The following PBX1 variants were observed in gnomAD, a reference collection of about 807,000 sequenced individuals.
PBX1 encodes the protein pre-B-cell leukemia transcription factor 1.
In PBX1, 6 loss-of-function variants were observed where a neutral mutation model predicts 53.4. The observed-to-expected ratio is 0.11, with a 90% confidence interval of 0.06 to 0.22. The LOEUF is 0.22. PBX1 is among the 10% of genes least tolerant of loss of function. The probability of loss-of-function intolerance (pLI) is 1.00; values close to 1 mark genes in which losing one functional copy is unlikely to be tolerated. For missense variants in PBX1, 251 were observed against 551.4 expected, an observed-to-expected ratio of 0.46 and a Z score of 5.46; for synonymous variants, 204 against 212.3, an observed-to-expected ratio of 0.96 and a Z score of 0.34.
chr1:164,735,622 C>T (rs1571310465), intron 2 of PBX1, among the ~76,000 whole-genome samples: 1 of 152,108 alleles, frequency 6.6e-6, no homozygotes, highest in Admixed American at 6.6e-5. Flanking sequence ...AAGGGCAGAG[C>T]GGGAGAGGTG....
chr1:164,817,813 T>C (rs1482126946), intron 6 of PBX1: 6 of 152,234 alleles, frequency 3.9e-5, no homozygotes, highest in African/African-American at 1.4e-4. Context: ...TAAGTTTGTA[T>C]ACTAATTTCC....
At chr1:164,817,649 C>T (rs1669937890) in intron 6 of PBX1, 1 of 152,184 alleles carries the variant, frequency 6.6e-6, no homozygotes, top group Non-Finnish European at 1.5e-5. Context: ...CATTAGGCAG[C>T]CAGACATATT....
chr1:164,597,079 A>C (rs1328592213), intron 2 of PBX1, among the ~76,000 whole-genome samples: 2 of 152,222 alleles, frequency 1.3e-5, no homozygotes, highest in Admixed American at 1.3e-4. Context: ...CAGGATCTAC[A>C]CTTAGCTTGG....
intron 2 of PBX1, among the ~76,000 whole-genome samples, chr1:164,602,228 G>A (rs1656225179): frequency 6.6e-6 from 1 of 152,130 alleles, no homozygotes; most frequent in South Asian, 2.1e-4. Context: ...GGTATGGGCT[G>A]AAGGGAAACA....
At chr1:164,585,547 G>C (rs939803380) in intron 2 of PBX1, among the ~76,000 whole-genome samples, 1 of 152,184 alleles carries the variant, frequency 6.6e-6, no homozygotes, top group South Asian at 2.1e-4. Flanking sequence ...TTTGAGGGGG[G>C]TAGTCAGGCA....
At chr1:164,653,462 G>A (rs1189201231) in intron 2 of PBX1, among the ~76,000 whole-genome samples, 6 of 151,998 alleles carry the variant, frequency 3.9e-5, no homozygotes, top group Non-Finnish European at 7.4e-5. Context: ...TGGCAGGGCC[G>A]TGGTGCTGGG....
At chr1:164,763,933 C>T (rs911021267) in intron 2 of PBX1, among the ~76,000 whole-genome samples, 2 of 152,188 alleles carry the variant, frequency 1.3e-5, no homozygotes, top group African/African-American at 4.8e-5. Context: ...CTTGGTGTTA[C>T]TTCCTACTTA....
intron 2 of PBX1, among the ~76,000 whole-genome samples, chr1:164,875,985 T>TACAC (rs1672496106): frequency 2.0e-5 from 1 of 49,438 alleles, no homozygotes; most frequent in Admixed American, 3.9e-4. Context: ...ATTTGGTGTA[T>TACAC]GTGTATATAT....
intron 2 of PBX1, among the ~76,000 whole-genome samples, chr1:164,572,122 G>A (rs1298408159): frequency 6.6e-6 from 1 of 151,476 alleles, no homozygotes; most frequent in Non-Finnish European, 1.5e-5. Context: ...GACCAGGCTG[G>A]TCTCGAACTC....
intron 8 of PBX1, among the ~76,000 whole-genome samples, chr1:164,826,149 T>A (rs1670447731): frequency 6.6e-6 from 1 of 152,212 alleles, no homozygotes. Context: ...TCTAGAATTC[T>A]ACATTTATGA....
chr1:164,866,110 A>T (rs1368823548), intron 2 of PBX1, among the ~76,000 whole-genome samples: 1 of 152,214 alleles, frequency 6.6e-6, no homozygotes. Context: ...GGCGCTTAAA[A>T]ACTTGTACTA....
chr1:164,854,084 A>G (rs1181097681), downstream of PBX1: 3 of 151,844 alleles, frequency 2.0e-5, no homozygotes, highest in Non-Finnish European at 2.9e-5. Context: ...TTTTGTAATT[A>G]TAGTAGAGAC....
intron 2 of PBX1, 86 bp downstream of exon 2, chr1:164,563,397 TA>T (rs1653201994): frequency 8.2e-6 from 7 of 848,610 alleles, no homozygotes; most frequent in Non-Finnish European, 1.3e-5. Flanking sequence ...ATTTAAATAT[TA>T]AAATTTCAGA....
At chr1:164,618,303 G>GGT (rs1557894603) in intron 2 of PBX1, among the ~76,000 whole-genome samples, 1 of 150,296 alleles carries the variant, frequency 6.7e-6, no homozygotes, top group Admixed American at 6.6e-5. Flanking sequence ...ACGGCGGGGG[G>GGT]GGGGGGGCAC....
At chr1:164,669,576 C>T (rs1480074727) in intron 2 of PBX1, among the ~76,000 whole-genome samples, 1 of 152,172 alleles carries the variant, frequency 6.6e-6, no homozygotes, top group Non-Finnish European at 1.5e-5. Flanking sequence ...TCCAATAGTC[C>T]TCTCCAGAAG....
At chr1:164,716,749 A>G (rs908643297) in intron 2 of PBX1, among the ~76,000 whole-genome samples, 1 of 78,568 alleles carries the variant, frequency 1.3e-5, no homozygotes, top group African/African-American at 4.6e-5. Flanking sequence ...CGAAGAGAAG[A>G]AAAAAAAAGA....
At position 164,877,517 on chromosome 1, in the gene PBX1, G is replaced by T. The variant is rs190659143; in HGVS notation, n.258-21671G>T. Among the ~76,000 whole-genome samples the T allele has an allele frequency of 1.2e-4, 18 of 152,150 alleles. No individual in the cohort carries two copies. In the East Asian group the frequency reaches 3.3e-3, roughly 28 times the overall value. On this transcript the variant is annotated intron_variant and non_coding_transcript_variant, in intron 2 of 2. Transcript: ENST00000558796. ...CTGTCTCCTAAAAATATAAAAATTA[G>T]CCAGGCATGGTGGTGCATGCCTGTA...
At chr1:164,562,477 A>G (rs577117626) in intron 1 of PBX1, among the ~76,000 whole-genome samples, 2 of 152,038 alleles carry the variant, frequency 1.3e-5, no homozygotes, top group South Asian at 4.2e-4. Flanking sequence ...ACACACACAC[A>G]CACACACACA....
At chr1:164,692,528 A>T (rs1005860217) in intron 2 of PBX1, among the ~76,000 whole-genome samples, 1 of 152,102 alleles carries the variant, frequency 6.6e-6, no homozygotes, top group Non-Finnish European at 1.5e-5. Flanking sequence ...CTGCTTTTCA[A>T]TTATAATAAT....
Sources: gnomAD v4.1 joint callset for allele counts (sites outside exome capture counted in the v4.1 genomes callset) on GRCh38, gnomAD v4.1.1 for gene constraint, MANE v1.5 for transcripts, NCBI Gene and HGNC (gene_info 2026-07-23, HGNC 2026-07-21) for gene names.